Variants in EYS observed in about 807,000 individuals in gnomAD.
The protein encoded by EYS is EGF-like photoreceptor maintenance factor.
Under a neutral mutation model 282.1 loss-of-function variants are expected in EYS, and 250 were observed. The ratio of observed to expected loss-of-function variants is 0.89; its 90% confidence interval spans 0.80 to 0.98. The LOEUF (loss-of-function observed/expected upper bound fraction) is 0.98, where lower values mean the gene tolerates loss of function less well. EYS is among the 50% of genes least tolerant of loss of function. EYS has a pLI of 0.00. For missense variants in EYS, 4,016 were observed against 3,709.0 expected, an observed-to-expected ratio of 1.08 and a Z score of -2.15; for synonymous variants, 1,355 against 1,282.9, an observed-to-expected ratio of 1.06 and a Z score of -1.20.
chr6:65,152,680 A>G (rs1010783084), intron 12 of EYS, among the ~76,000 whole-genome samples: 1 of 151,998 alleles, frequency 6.6e-6, no homozygotes, highest in East Asian at 1.9e-4. Flanking sequence ...TAGCAAACTA[A>G]GGCAGCTAGT....
At position 65,154,865 on chromosome 6, in the gene EYS, C is replaced by T. The variant is rs1277564218; in HGVS notation, c.2024-97138G>A. Reference sequence around the variant, plus strand: ...TATTTAAATTAGACAAGCCACTCAACCAAAATTAATAGTTAATAAGGAATT... The same window carrying T: ...TATTTAAATTAGACAAGCCACTCAATCAAAATTAATAGTTAATAAGGAATT... On this transcript the variant is annotated intron_variant, in intron 12 of 42. Coordinates refer to ENST00000503581, the MANE Select transcript of EYS (RefSeq NM_001142800.2). 2.0e-5 allele frequency among the ~76,000 whole-genome samples: 3 copies of T among 151,408 alleles called. No individual in the cohort carries two copies. In the East Asian group the frequency reaches 5.9e-4, roughly 30 times the overall value.
intron 2 of EYS, among the ~76,000 whole-genome samples, chr6:65,515,572 A>G (rs1397538187): frequency 6.6e-6 from 1 of 152,096 alleles, no homozygotes; most frequent in East Asian, 1.9e-4. Context: ...CTGGATTAAG[A>G]AAATGTGACA....
rs1770909927 is a variant in EYS at position 63,806,384 on chromosome 6, C to T, written c.7229-12G>A. ...AGTAATATTAATAGCTGTGAAAAAA[C>T]CCAAACCAAACAGTTAAAATAAACC... On this transcript the variant is annotated splice_polypyrimidine_tract_variant and intron_variant, in intron 36 of 42. Transcript: ENST00000503581. 1 of 1,518,658 alleles carries T rather than the reference C, an allele frequency of 6.6e-7. No individual in the cohort carries two copies. Among genetic ancestry groups the T allele is most frequent in the African/African-American group, 1.4e-5 (1 of 71,844 alleles). The allele number at this position is 1,518,658 out of a possible 1,614,324, so 94.1% of individuals were successfully genotyped here.
intron 12 of EYS, among the ~76,000 whole-genome samples, chr6:65,227,789 A>G (rs936311416): frequency 6.6e-6 from 1 of 152,142 alleles, no homozygotes; most frequent in Non-Finnish European, 1.5e-5. Flanking sequence ...AACTTAGACA[A>G]CATTATGCTA....
intron 26 of EYS, among the ~76,000 whole-genome samples, chr6:64,440,211 C>T (rs910815379): frequency 6.6e-6 from 1 of 151,844 alleles, no homozygotes; most frequent in Non-Finnish European, 1.5e-5. Flanking sequence ...TTTTAGTTTG[C>T]TGTCTATCAC....
At chr6:65,369,317 T>TATATATATATATTTATATATATATATATA (rs1765044382) in intron 8 of EYS, among the ~76,000 whole-genome samples, 2 of 33,318 alleles carry the variant, frequency 6.0e-5, no homozygotes, top group Admixed American at 2.4e-4. Context: ...ATATATATAT[T>TATATATATATATTTATATATATATATATA]ATATATATAT....
At chr6:64,436,043 CAT>C in intron 28 of EYS, 129 bp downstream of exon 28, 1 of 431,430 alleles carries the variant, frequency 2.3e-6, no homozygotes, top group Non-Finnish European at 4.1e-6. Flanking sequence ...GCTTGACAAA[CAT>C]TAATTCATAC....
intron 37 of EYS, chr6:63,798,109 T>A (rs1311420498): frequency 6.6e-6 from 1 of 152,186 alleles, no homozygotes; most frequent in Non-Finnish European, 1.5e-5. Context: ...AAATCAAGGT[T>A]ACCCACTTTG....
chr6:64,391,657 G>C (rs1413730715), intron 28 of EYS, among the ~76,000 whole-genome samples: 3 of 152,086 alleles, frequency 2.0e-5, no homozygotes, highest in Non-Finnish European at 4.4e-5. Flanking sequence ...ACCCGTACCA[G>C]CCGCTGCAAA....
intron 13 of EYS, among the ~76,000 whole-genome samples, chr6:65,012,659 A>G (rs1175229792): frequency 6.6e-6 from 1 of 151,226 alleles, no homozygotes; most frequent in Non-Finnish European, 1.5e-5. Flanking sequence ...GACCACAAGA[A>G]AAATAGTAAG....
intron 24 of EYS, among the ~76,000 whole-genome samples, chr6:64,595,191 C>T (rs12662382): frequency 0.1 from 15,734 of 152,050 alleles, 930 homozygotes; most frequent in East Asian, 0.17. Flanking sequence ...GGACAAAATC[C>T]ATATAAGTAT....
intron 30 of EYS, among the ~76,000 whole-genome samples, chr6:64,236,163 C>T (rs1025016616): frequency 3.3e-5 from 5 of 152,118 alleles, no homozygotes; most frequent in Admixed American, 6.5e-5. Flanking sequence ...TTAATAGAGA[C>T]GGGGTTTCAC....
At chr6:65,466,711 G>A (rs1441703184) in intron 5 of EYS, among the ~76,000 whole-genome samples, 1 of 152,140 alleles carries the variant, frequency 6.6e-6, no homozygotes, top group Non-Finnish European at 1.5e-5. Context: ...ATGGCACTTG[G>A]ACAGGGTTGC....
intron 29 of EYS, among the ~76,000 whole-genome samples, chr6:64,375,152 A>T (rs1772522928): frequency 6.6e-6 from 1 of 152,190 alleles, no homozygotes; most frequent in South Asian, 2.1e-4. Flanking sequence ...AAAATACAAA[A>T]TATATTTTGT....
intron 13 of EYS, among the ~76,000 whole-genome samples, chr6:65,056,431 A>T (rs751247199): frequency 2.0e-5 from 3 of 152,032 alleles, no homozygotes; most frequent in Non-Finnish European, 4.4e-5. Flanking sequence ...TGTCTCTACA[A>T]AAATACAAAA....
At chr6:63,813,435 G>A (rs1771098200) in intron 36 of EYS, among the ~76,000 whole-genome samples, 1 of 152,122 alleles carries the variant, frequency 6.6e-6, no homozygotes, top group African/African-American at 2.4e-5. Flanking sequence ...ACAATTGATA[G>A]TTTTTGACAG....
intron 1 of EYS, among the ~76,000 whole-genome samples, chr6:65,642,504 T>G (rs1244649377): frequency 6.7e-6 from 1 of 149,080 alleles, no homozygotes; most frequent in East Asian, 2.0e-4. Flanking sequence ...AAAATTGGGC[T>G]ACAATTCTTC....
At chr6:65,493,351 A>C (rs968361197) in intron 4 of EYS, among the ~76,000 whole-genome samples, 1 of 152,156 alleles carries the variant, frequency 6.6e-6, no homozygotes, top group East Asian at 1.9e-4. Context: ...TCTGCTCTAG[A>C]TATAGCTCTG....
At chr6:64,960,957 T>C (rs1436058908) in intron 14 of EYS, among the ~76,000 whole-genome samples, 1 of 152,158 alleles carries the variant, frequency 6.6e-6, no homozygotes, top group Non-Finnish European at 1.5e-5. Context: ...GGCCTCCAGC[T>C]CCATCCATAT....
Sources: allele counts gnomAD v4.1 joint callset (sites outside exome capture counted in the v4.1 genomes callset), GRCh38; gene constraint gnomAD v4.1.1; transcripts MANE v1.5; gene names NCBI Gene and HGNC (gene_info 2026-07-23, HGNC 2026-07-21).